Variants in CLYBL observed in about 807,000 individuals in gnomAD.
The protein encoded by CLYBL is citramalyl-CoA lyase, mitochondrial.
In CLYBL, 31 loss-of-function variants were observed where a neutral mutation model predicts 38.9. The ratio of observed to expected loss-of-function variants is 0.80; its 90% CI spans 0.60 to 1.08. The LOEUF is 1.08. Among genes scored for constraint, CLYBL ranks in the 50% least tolerant of loss-of-function variants. The probability of loss-of-function intolerance (pLI) is 0.00; values close to 1 mark genes in which losing one functional copy is unlikely to be tolerated. For missense variants in CLYBL, 434 were observed against 411.6 expected, an observed-to-expected ratio of 1.05 and a Z score of -0.47; for synonymous variants, 171 against 158.6, an observed-to-expected ratio of 1.08 and a Z score of -0.59.
At chr13:99,823,710 C>T (rs777988054) in intron 2 of CLYBL, among the ~76,000 whole-genome samples, 3 of 152,154 alleles carry the variant, frequency 2.0e-5, no homozygotes, top group Non-Finnish European at 2.9e-5. Context: ...TATCCATTCA[C>T]CTATTCAATT....
chr13:99,709,111 A>C (rs930045132), intron 1 of CLYBL, among the ~76,000 whole-genome samples: 2 of 152,060 alleles, frequency 1.3e-5, no homozygotes, highest in Non-Finnish European at 2.9e-5. Context: ...GAAAGAAAAA[A>C]AAGGAGTGAT....
intron 2 of CLYBL, among the ~76,000 whole-genome samples, chr13:99,851,537 C>A (rs1000770798): frequency 1.3e-5 from 2 of 151,922 alleles, no homozygotes; most frequent in Admixed American, 1.3e-4. Context: ...ATAGACAGTT[C>A]ACCAAAGTAG....
Position 99,695,735 on chromosome 13 carries a change from T to A in CLYBL, c.63-77089T>A, listed in dbSNP as rs144208646. Among the ~76,000 whole-genome samples, 440 of 152,236 alleles carry A rather than the reference T, an allele frequency of 2.9e-3. 3 individuals are homozygous for A. The highest frequency in any genetic ancestry group is 9.8e-3 in the African/African-American group (407 of 41,538). ...GATTTCACCATGTTGGCCAGGCTGG[T>A]CTCGAACTCCTGACCTTAGATGATC... On this transcript the variant is annotated intron_variant, in intron 1 of 8. Coordinates refer to ENST00000339105, the MANE Select transcript of CLYBL (RefSeq NM_206808.5).
chr13:99,705,683 A>G (rs753914910), intron 1 of CLYBL, among the ~76,000 whole-genome samples: 8 of 152,164 alleles, frequency 5.3e-5, no homozygotes, highest in Non-Finnish European at 1.2e-4. Context: ...GATTGTACTT[A>G]TATGAGGTAC....
chr13:99,716,614 C>T (rs1354480707), intron 1 of CLYBL, among the ~76,000 whole-genome samples: 3 of 151,308 alleles, frequency 2.0e-5, no homozygotes, highest in Admixed American at 2.0e-4. Flanking sequence ...AAACTCCTGA[C>T]CTCAGGTGAT....
At chr13:99,717,439 A>G (rs1435081089) in intron 1 of CLYBL, among the ~76,000 whole-genome samples, 1 of 121,144 alleles carries the variant, frequency 8.3e-6, no homozygotes, top group African/African-American at 3.7e-5. Context: ...AAAATTAGAA[A>G]AAAAAAAAAA....
intron 2 of CLYBL, among the ~76,000 whole-genome samples, chr13:99,845,742 C>G (rs7998088): frequency 0.68 from 102,622 of 151,934 alleles, 34,933 homozygotes; most frequent in East Asian, 0.77. Flanking sequence ...CTCCCGGGGG[C>G]CTGGTCCTTG....
intron 1 of CLYBL, among the ~76,000 whole-genome samples, chr13:99,726,966 C>T (rs1040227289): frequency 2.0e-5 from 3 of 152,100 alleles, no homozygotes; most frequent in African/African-American, 7.2e-5. Context: ...CGAGACCAGC[C>T]TGGACAACTT....
chr13:99,832,408 C>G (rs1396688246), intron 2 of CLYBL, among the ~76,000 whole-genome samples: 1 of 152,112 alleles, frequency 6.6e-6, no homozygotes, highest in Non-Finnish European at 1.5e-5. Flanking sequence ...TTATTGAATT[C>G]AATTCAACAA....
chr13:99,815,844 TC>T (rs766814664), intron 2 of CLYBL, among the ~76,000 whole-genome samples: 31 of 152,242 alleles, frequency 2.0e-4, no homozygotes, highest in Middle Eastern at 3.4e-3. Context: ...GCCACTGCAC[TC>T]CAGCCTGGGT....
intron 1 of CLYBL, among the ~76,000 whole-genome samples, chr13:99,674,992 C>T (rs898664468): frequency 6.6e-6 from 1 of 152,138 alleles, no homozygotes; most frequent in Admixed American, 6.5e-5. Context: ...AATGATCGCT[C>T]CTGTGAATAG....
chr13:99,801,532 A>G (rs1405480675), intron 2 of CLYBL, among the ~76,000 whole-genome samples: 2 of 152,184 alleles, frequency 1.3e-5, no homozygotes, highest in Non-Finnish European at 2.9e-5. Flanking sequence ...AAAAAAAAGA[A>G]TTCTCCTTGA....
rs143347646 is a variant in CLYBL, at chr13:99,633,396, A to G, written c.62+26639A>G. On this transcript the variant is annotated intron_variant, in intron 1 of 8. Transcript: ENST00000339105. ...CTCTACTAAAAATACAAAACTGGGCATGGTGGCACGCATCTGTAATCCCAG... is the reference window on the plus strand; with the variant it reads ...CTCTACTAAAAATACAAAACTGGGCGTGGTGGCACGCATCTGTAATCCCAG... Among the ~76,000 whole-genome samples the G allele has an allele frequency of 1.9e-4, 29 of 151,584 alleles. No individual in the cohort carries two copies. The East Asian group carries it at 5.3e-3, about 27-fold the overall frequency.
At chr13:99,888,767 A>G (rs1257462484) in intron 7 of CLYBL, among the ~76,000 whole-genome samples, 2 of 152,138 alleles carry the variant, frequency 1.3e-5, no homozygotes, top group African/African-American at 2.4e-5. Flanking sequence ...TATAATAAAT[A>G]TAAAATATAA....
At chr13:99,616,927 G>T (rs2046720238) in intron 1 of CLYBL, among the ~76,000 whole-genome samples, 1 of 152,016 alleles carries the variant, frequency 6.6e-6, no homozygotes, top group Admixed American at 6.5e-5. Flanking sequence ...CTGCACTCCA[G>T]CCTGGGTGAC....
chr13:99,692,759 C>T (rs1366998616), intron 1 of CLYBL, among the ~76,000 whole-genome samples: 1 of 152,198 alleles, frequency 6.6e-6, no homozygotes, highest in Non-Finnish European at 1.5e-5. Flanking sequence ...CTCCTGACAA[C>T]CACTAATCTA....
chr13:99,866,491 C>A (rs1454456632), intron 6 of CLYBL, 84 bp downstream of exon 6: 1 of 1,178,434 alleles, frequency 8.5e-7, no homozygotes, highest in Non-Finnish European at 1.2e-6. Context: ...CACCCCTAAT[C>A]TCATCAGATA....
chr13:99,613,063 T>C lies in CLYBL; in HGVS notation c.62+6306T>C, dbSNP rs184655180. On this transcript the variant is annotated intron_variant, in intron 1 of 8. Coordinates refer to ENST00000339105, the MANE Select transcript of CLYBL (RefSeq NM_206808.5). ...ATAATAATAATAATAATAATAATAA[T>C]AACAAAATTCCCTCTAAGGATTGTT... 4.5e-4 allele frequency among the ~76,000 whole-genome samples: 67 copies of C among 147,934 alleles called. 1 individual carries two copies. The highest frequency in any genetic ancestry group is 9.6e-4 in the African/African-American group (39 of 40,426).
At chr13:99,630,761 A>G (rs1188441338) in intron 1 of CLYBL, among the ~76,000 whole-genome samples, 2 of 152,162 alleles carry the variant, frequency 1.3e-5, no homozygotes, top group African/African-American at 4.8e-5. Context: ...AGAAGACTAC[A>G]GTCTCCCGAG....
Sources: gnomAD v4.1 joint callset for allele counts (sites outside exome capture counted in the v4.1 genomes callset) on GRCh38, gnomAD v4.1.1 for gene constraint, MANE v1.5 for transcripts, NCBI Gene and HGNC (gene_info 2026-07-23, HGNC 2026-07-21) for gene names.